ABHD2: variants seen among roughly 807,000 people sequenced by gnomAD.
ABHD2 encodes the protein abhydrolase domain containing 2, acylglycerol lipase.
Under a neutral mutation model 48.1 loss-of-function variants are expected in ABHD2, and 20 were observed. The ratio of observed to expected loss-of-function variants is 0.42; its 90% CI spans 0.29 to 0.60. The LOEUF (loss-of-function observed/expected upper bound fraction) is 0.60. Among genes scored for constraint, ABHD2 ranks in the 20% least tolerant of loss-of-function variants. ABHD2 has a pLI of 0.24. For missense variants in ABHD2, 405 were observed against 550.9 expected (o/e 0.74, Z 2.65); for synonymous variants, 209 against 214.2 (o/e 0.98, Z 0.21).
chr15:89,052,937 G>A, the ABHD2 span, among the ~76,000 whole-genome samples: 2 of 151,116 alleles, frequency 1.3e-5, no homozygotes, highest in African/African-American at 4.9e-5. Context: ...TGAAAACGTA[G>A]TCCAGGAAGG....
At chr15:89,126,135 G>GCCC (rs2050127733) in intron 3 of ABHD2, among the ~76,000 whole-genome samples, 3 of 152,178 alleles carry the variant, frequency 2.0e-5, no homozygotes, top group Non-Finnish European at 1.5e-5. Context: ...CAAAAAAGGA[G>GCCC]TATATGTCTT....
In ABHD2 at chr15:89,144,325, G is replaced by C. The variant is rs1166800346; in HGVS notation, c.195-7352G>C. Among the ~76,000 whole-genome samples the C allele has an allele frequency of 3.3e-5, 5 of 152,238 alleles. No homozygotes were observed. The East Asian group carries it at 7.7e-4, about 24-fold the overall frequency. ...ATTTTGTATTTTTAGTAGGGATGGG[G>C]TTTCACCATGTTGACCAGGCTGGTC... On this transcript the variant is annotated intron_variant, in intron 3 of 10. Coordinates refer to ENST00000352732, the MANE Select transcript of ABHD2 (RefSeq NM_152924.5).
At chr15:89,162,706 G>A (rs2050781172) in intron 5 of ABHD2, among the ~76,000 whole-genome samples, 1 of 151,590 alleles carries the variant, frequency 6.6e-6, no homozygotes, top group Non-Finnish European at 1.5e-5. Context: ...CCCAACCCCA[G>A]TCATTATCTA....
intron 3 of ABHD2, among the ~76,000 whole-genome samples, chr15:89,127,174 T>C (rs999385478): frequency 6.0e-5 from 9 of 151,076 alleles, no homozygotes; most frequent in Non-Finnish European, 1.3e-4. Flanking sequence ...CGGTGAGCCA[T>C]GGAAATGAGT....
chr15:89,162,700 ACC>A (rs1265372151), intron 5 of ABHD2, among the ~76,000 whole-genome samples: 1 of 151,724 alleles, frequency 6.6e-6, no homozygotes, highest in Non-Finnish European at 1.5e-5. Context: ...CTCCCCCCCA[ACC>A]CCAGTCATTA....
intron 3 of ABHD2, among the ~76,000 whole-genome samples, chr15:89,130,855 A>T (rs187319236): frequency 2.6e-5 from 4 of 152,212 alleles, no homozygotes; most frequent in Admixed American, 2.0e-4. Context: ...AAGCCAAAAC[A>T]TTAGACACCC....
intron 3 of ABHD2, among the ~76,000 whole-genome samples, chr15:89,134,140 A>G (rs997908204): frequency 6.6e-6 from 1 of 152,098 alleles, no homozygotes; most frequent in Non-Finnish European, 1.5e-5. Context: ...GCCCGGCCGC[A>G]TAATTTTTTT....
Position 89,179,801 on chromosome 15 carries a change from A to G in ABHD2, c.722+3806A>G, listed in dbSNP as rs965225463. ...TTTCAAATCTCCTTAAAGGCACATT[A>G]TACTCCGGGCTAAGTGGATGTGTTA... is the stretch of plus-strand genomic sequence containing the variant. On this transcript the variant is annotated intron_variant, in intron 6 of 10. Coordinates refer to ENST00000352732, the MANE Select transcript of ABHD2 (RefSeq NM_152924.5). The surrounding 1 kb of genome is among the most constrained non-coding windows in gnomAD (Gnocchi z 4.3). Among the ~76,000 whole-genome samples, 9 of 152,168 alleles carry G rather than the reference A, an allele frequency of 5.9e-5. No homozygotes were observed. Among genetic ancestry groups the G allele is most frequent in the African/African-American group, 1.7e-4 (7 of 41,448 alleles).
chr15:89,150,556 G>T (rs1355839708), intron 3 of ABHD2, among the ~76,000 whole-genome samples: 1 of 152,180 alleles, frequency 6.6e-6, no homozygotes. Context: ...AAGGAAGCTT[G>T]TCTGGGAACT....
intron 5 of ABHD2, among the ~76,000 whole-genome samples, chr15:89,162,479 C>G (rs1490167579): frequency 2.0e-5 from 3 of 152,132 alleles, no homozygotes; most frequent in East Asian, 1.9e-4. Context: ...CCAGGACATA[C>G]TGCAGTCCAC....
Position 89,097,034 on chromosome 15 carries a change from G to A in ABHD2, c.-107+8471G>A, listed in dbSNP as rs942911696. ...AGTAGAGGCTTGATCGCAGCTGAAA[G>A]TTGGGGTGAGCTTGGGCCTTTGTGA... On this transcript the variant is annotated intron_variant, in intron 1 of 10. Coordinates refer to ENST00000352732, the MANE Select transcript of ABHD2 (RefSeq NM_152924.5). This position sits in a 1 kb window ranked among gnomAD's most constrained non-coding sequence, Gnocchi z 4.2. Among the ~76,000 whole-genome samples the A allele has an allele frequency of 3.9e-5, 6 of 152,196 alleles. No homozygotes were observed. The highest frequency in any genetic ancestry group is 8.8e-5 in the Non-Finnish European group (6 of 68,046).
rs5814358 is a variant in ABHD2, at chr15:89,199,296, TA to T, written c.*3877del. 145,779 of 152,540 alleles carry T rather than the reference TA, an allele frequency of 0.96. 69,734 individuals are homozygous for T. The highest frequency in any genetic ancestry group is 1 in the East Asian group (5,176 of 5,176). The allele number at this position is 152,540 out of a possible 1,614,324, so 9.4% of individuals were successfully genotyped here. Reference sequence around the variant, plus strand: ...CATTGATTCTGACTTAGAGCTGAAGTAAAAGATCACTGAAACATCACGTCAA... The same window carrying T: ...CATTGATTCTGACTTAGAGCTGAAGTAAAGATCACTGAAACATCACGTCAA... On this transcript the variant is annotated 3_prime_UTR_variant, in exon 11 of 11. Coordinates refer to ENST00000352732, the MANE Select transcript of ABHD2 (RefSeq NM_152924.5). This position sits in a 1 kb window ranked among gnomAD's most constrained non-coding sequence, Gnocchi z 4.1.
chr15:89,192,254 G>A (rs75945432), intron 9 of ABHD2, among the ~76,000 whole-genome samples: 1,693 of 152,210 alleles, frequency 0.011, 37 homozygotes, highest in African/African-American at 0.038. Context: ...TTTTGATGTC[G>A]TCATTTAAGC....
At chr15:89,111,524 G>T (rs2049874907) in intron 1 of ABHD2, among the ~76,000 whole-genome samples, 1 of 152,188 alleles carries the variant, frequency 6.6e-6, no homozygotes, top group Non-Finnish European at 1.5e-5. Flanking sequence ...GGCTCCTAGA[G>T]AGACTTCAAG....
the ABHD2 span, among the ~76,000 whole-genome samples, chr15:89,051,449 C>T: frequency 6.6e-6 from 1 of 152,286 alleles, no homozygotes; most frequent in East Asian, 1.9e-4. Context: ...CACCGTAGCT[C>T]AGGCCTAAGG....
chr15:89,179,391 A>C lies in ABHD2; in HGVS notation c.722+3396A>C, dbSNP rs1243787737. 6.6e-6 allele frequency among the ~76,000 whole-genome samples: 1 copy of C among 152,198 alleles called. No individual in the cohort carries two copies. The highest frequency in any genetic ancestry group is 1.5e-5 in the Non-Finnish European group (1 of 68,032). On this transcript the variant is annotated intron_variant, in intron 6 of 10. Coordinates refer to ENST00000352732, the MANE Select transcript of ABHD2 (RefSeq NM_152924.5). This position sits in a 1 kb window ranked among gnomAD's most constrained non-coding sequence, Gnocchi z 4.3. ...CCTGAGTTCCGCCTCCTGTCAGATC[A>C]GCAGTGACATTAGATTCTCATAGGA...
chr15:89,156,361 T>G (rs551492142), intron 5 of ABHD2, among the ~76,000 whole-genome samples: 1 of 151,200 alleles, frequency 6.6e-6, no homozygotes, highest in African/African-American at 2.4e-5. Flanking sequence ...GACCTCGTGA[T>G]CTGCCCACCT....
At chr15:89,135,145 T>TTTCTTTC (rs376776426) in intron 3 of ABHD2, among the ~76,000 whole-genome samples, 1 of 98,974 alleles carries the variant, frequency 1.0e-5, no homozygotes, top group African/African-American at 3.2e-5. Flanking sequence ...AACTTTTTCT[T>TTTCTTTC]TTTTTTTTTT....
intron 8 of ABHD2, among the ~76,000 whole-genome samples, chr15:89,190,534 C>T (rs2150951655): frequency 6.6e-6 from 1 of 152,182 alleles, no homozygotes; most frequent in Admixed American, 6.5e-5. Context: ...AAGGAAAGTT[C>T]CAGTAAATGT....
Sources: allele counts gnomAD v4.1 joint callset (sites outside exome capture counted in the v4.1 genomes callset), GRCh38; gene constraint gnomAD v4.1.1; non-coding constraint Gnocchi (gnomAD v3.1); transcripts MANE v1.5; gene names NCBI Gene and HGNC (gene_info 2026-07-23, HGNC 2026-07-21).